ANOS1: variants seen among roughly 807,000 people sequenced by gnomAD.
The protein encoded by ANOS1 is anosmin 1, also known as anosmin-1.
ANOS1 carries 6 observed loss-of-function variants against 59.0 expected under a neutral mutation model. The ratio of observed to expected loss-of-function variants is 0.10; its 90% CI spans 0.06 to 0.20. ANOS1 has a LOEUF of 0.20. Ranked by LOEUF, ANOS1 falls within the 10% of genes least tolerant of loss-of-function variation. The pLI is 1.00. For synonymous variants in ANOS1, 217 were observed against 223.4 expected (o/e 0.97, Z 0.25); for missense variants, 433 against 542.3 (o/e 0.80, Z 2.00).
chrX:8,684,826 T>C (rs1159189734), intron 2 of ANOS1, among the ~76,000 whole-genome samples: 1 of 110,694 alleles, frequency 9.0e-6, no homozygotes, highest in Non-Finnish European at 1.9e-5. Flanking sequence ...CTCGGAGACT[T>C]GCAGCCATCA....
intron 7 of ANOS1, among the ~76,000 whole-genome samples, chrX:8,570,155 A>C (rs1930202909): frequency 9.0e-6 from 1 of 111,098 alleles, no homozygotes; most frequent in Non-Finnish European, 1.9e-5. Context: ...AAAAAAAAAA[A>C]AAACTTAAAA....
At chrX:8,542,745 C>T (rs984818888) in intron 9 of ANOS1, among the ~76,000 whole-genome samples, 1 of 110,859 alleles carries the variant, frequency 9.0e-6, no homozygotes, top group Non-Finnish European at 1.9e-5. Context: ...CTGAGTCCTT[C>T]GCACCATGCC....
At chrX:8,664,732 C>A (rs1471076268) in intron 2 of ANOS1, among the ~76,000 whole-genome samples, 1 of 111,238 alleles carries the variant, frequency 9.0e-6, no homozygotes, top group African/African-American at 3.3e-5. Context: ...CAAGGGTACC[C>A]CACGGTCTCT....
intron 3 of ANOS1, among the ~76,000 whole-genome samples, chrX:8,623,030 T>TG (rs781227288): frequency 9.8e-6 from 1 of 102,387 alleles, no homozygotes; most frequent in African/African-American, 3.6e-5. Context: ...GATGGATGGA[T>TG]GATGGATGGA....
chrX:8,619,098 AAAAG>A (rs1931231924), intron 3 of ANOS1, among the ~76,000 whole-genome samples: 1 of 86,306 alleles, frequency 1.2e-5, no homozygotes, highest in African/African-American at 5.1e-5. Flanking sequence ...AAAAAAAAAA[AAAAG>A]AAAGAAAAGA....
chrX:8,670,060 C>T (rs1422396016), intron 2 of ANOS1, among the ~76,000 whole-genome samples: 3 of 110,670 alleles, frequency 2.7e-5, no homozygotes, highest in Non-Finnish European at 5.7e-5. Flanking sequence ...AAATTCTAAC[C>T]CTCCCCCACA....
chrX:8,532,866 C>G lies in ANOS1; in HGVS notation c.*129G>C. The G allele has an allele frequency of 2.0e-6, 1 of 489,874 alleles. No homozygotes were observed. The highest frequency in any genetic ancestry group is 2.9e-5 in the South Asian group (1 of 34,586). 40.4% of individuals were successfully genotyped at this position (489,874 alleles called of 1,213,427 possible). A position where few individuals can be genotyped will look rare whatever the true frequency, so the allele number is the denominator to read the frequency against. Reference sequence around the variant, plus strand: ...CCATGATTGACAGAAGTTCTTCCTGCACTAAAGTCACATAGGAGAGTCCGG... The same window carrying G: ...CCATGATTGACAGAAGTTCTTCCTGGACTAAAGTCACATAGGAGAGTCCGG... On this transcript the variant is annotated 3_prime_UTR_variant, in exon 14 of 14. Transcript: ENST00000262648.
chrX:8,576,671 A>G (rs758374497), intron 6 of ANOS1, among the ~76,000 whole-genome samples: 132 of 110,724 alleles, frequency 1.2e-3, no homozygotes, highest in Admixed American at 8.6e-3. Flanking sequence ...TCAGAGAGGT[A>G]AAGATATATG....
chrX:8,728,943 C>T (rs141359882), intron 1 of ANOS1, among the ~76,000 whole-genome samples: 2,013 of 111,838 alleles, frequency 0.018, 49 homozygotes, highest in African/African-American at 0.063. Context: ...CAGGTGTGCA[C>T]ATCTACCCAC....
chrX:8,593,629 A>G (rs766151587), intron 4 of ANOS1, among the ~76,000 whole-genome samples: 23 of 111,965 alleles, frequency 2.1e-4, no homozygotes, highest in Admixed American at 4.8e-4. Context: ...AATATTCTAT[A>G]TTGACAAATC....
intron 3 of ANOS1, among the ~76,000 whole-genome samples, chrX:8,620,280 T>A (rs1931266452): frequency 8.9e-6 from 1 of 112,361 alleles, no homozygotes; most frequent in Non-Finnish European, 1.9e-5. Flanking sequence ...GTTTTATTTA[T>A]AAAACAAGAG....
Position 8,570,514 on chromosome X carries a change from T to C in ANOS1, c.1047A>G (p.Arg349=). The C allele has an allele frequency of 2.5e-6, 3 of 1,209,147 alleles. No homozygotes were observed. The highest frequency in any genetic ancestry group is 3.4e-6 in the Non-Finnish European group (3 of 893,219). The stretch of plus-strand genomic sequence containing the variant: ...TCCCACTCACCCCATCCGTAGTCTT[T>C]CTCCGCTTCTTCTTTGTTGGGACAA... The part of the protein sequence containing the change: ...KSLVPTKKKR[R]KTTDGFQNSV... Residue 349 remains arginine (R), a synonymous_variant, in exon 7 of 14, where the codon AGA becomes AGG. Transcript: ENST00000262648.
At chrX:8,606,064 T>G (rs1397245732) in intron 3 of ANOS1, among the ~76,000 whole-genome samples, 1 of 111,563 alleles carries the variant, frequency 9.0e-6, no homozygotes, top group Admixed American at 9.5e-5. Flanking sequence ...CAAGAACAAA[T>G]GGGCTAGTAC....
chrX:8,643,717 T>A (rs1423619206), intron 2 of ANOS1, among the ~76,000 whole-genome samples: 2 of 111,846 alleles, frequency 1.8e-5, no homozygotes, highest in Non-Finnish European at 3.8e-5. Context: ...AGGGTCTGAA[T>A]AGGAAACATT....
intron 3 of ANOS1, among the ~76,000 whole-genome samples, chrX:8,606,785 T>C (rs1930951375): frequency 8.9e-6 from 1 of 112,779 alleles, no homozygotes; most frequent in Non-Finnish European, 1.9e-5. Flanking sequence ...GTGCGGTTTA[T>C]TAATTTTTAA....
At chrX:8,616,284 G>A (rs752071898) in intron 3 of ANOS1, among the ~76,000 whole-genome samples, 21 of 111,467 alleles carry the variant, frequency 1.9e-4, no homozygotes, top group Non-Finnish European at 3.2e-4. Context: ...AGCTTTCATC[G>A]TTTGGCTATC....
intron 9 of ANOS1, among the ~76,000 whole-genome samples, chrX:8,545,628 TAAGTA>T (rs1397078128): frequency 5.3e-5 from 6 of 112,197 alleles, no homozygotes; most frequent in East Asian, 5.6e-4. Flanking sequence ...CTATGTGTAT[TAAGTA>T]AAGAAAGCTA....
chrX:8,636,963 C>T (rs901458675), intron 2 of ANOS1, among the ~76,000 whole-genome samples: 2 of 112,227 alleles, frequency 1.8e-5, no homozygotes, highest in African/African-American at 3.2e-5. Context: ...TGGAAAACTC[C>T]GTTTATAATA....
intron 2 of ANOS1, among the ~76,000 whole-genome samples, chrX:8,691,084 T>G (rs1932599426): frequency 1.8e-5 from 2 of 108,852 alleles, no homozygotes; most frequent in South Asian, 8.1e-4. Context: ...TCTTTTTTTT[T>G]TTTTTTTGAG....
Sources: allele counts gnomAD v4.1 joint callset (sites outside exome capture counted in the v4.1 genomes callset), GRCh38; gene constraint gnomAD v4.1.1; transcripts MANE v1.5; gene names NCBI Gene and HGNC (gene_info 2026-07-23, HGNC 2026-07-21).